DNAH17: variants seen among roughly 807,000 people sequenced by gnomAD.
The protein encoded by DNAH17 is axonemal beta dynein heavy chain 17.
In DNAH17, 376 loss-of-function variants were observed where a neutral mutation model predicts 485.6. The observed-to-expected ratio is 0.77, with a 90% CI of 0.71 to 0.84. The LOEUF is 0.84. DNAH17 is among the 40% of genes least tolerant of loss of function. The pLI is 0.00. For missense variants in DNAH17, 6,370 were observed against 5,839.3 expected (o/e 1.09, Z -2.96); for synonymous variants, 3,031 against 2,405.9 (o/e 1.26, Z -7.60).
rs967512462 is a variant in DNAH17, at chr17:78,526,940, G to T, written c.3564C>A (p.Thr1188=). Residue 1188 remains threonine (T), a synonymous_variant, in exon 23 of 81, where the codon ACC becomes ACA. Coordinates refer to ENST00000389840, the MANE Select transcript of DNAH17 (RefSeq NM_173628.4). ...CCTCGTTGGCCTGGAGTGGTGCCAC[G>T]GTCAGCTTCACCTGAATGGCCAGTT... ...TKKLAIQVKL[T]VAPLQANEVS... is the part of the protein sequence containing the mutation. 3 of 1,588,604 alleles carry T rather than the reference G, an allele frequency of 1.9e-6. No individual in the cohort carries two copies. Among genetic ancestry groups the T allele is most frequent in the Admixed American group, 1.8e-5 (1 of 55,972 alleles).
chr17:78,529,434 T>C (rs1220760409), intron 22 of DNAH17, 38 bp downstream of exon 22: 5 of 1,605,412 alleles, frequency 3.1e-6, no homozygotes, highest in East Asian at 2.2e-5. Flanking sequence ...TGGCTCTCCC[T>C]GCTCACCTGG....
intron 52 of DNAH17, 170 bp from the exon 53 acceptor site, chr17:78,476,003 G>A: frequency 1.5e-6 from 1 of 682,760 alleles, no homozygotes; most frequent in Non-Finnish European, 2.4e-6. Flanking sequence ...AAACCACTGG[G>A]GCAAAATTTC....
Position 78,462,870 on chromosome 17 carries a change from T to C in DNAH17, c.9148A>G (p.Met3050Val). 1 of 1,613,986 alleles carries C rather than the reference T, an allele frequency of 6.2e-7. No homozygotes were observed. The highest frequency in any genetic ancestry group is 8.5e-7 in the Non-Finnish European group (1 of 1,179,874). ...TGGGAAGCCGTGCTCTGCAGCTTCA[T>C]CAGGCCGTTCTCCAGCCTCTCGATT... ...AKIERLENGL[M>V]KLQSTASQVD... Residue 3050 changes from methionine to valine, a missense_variant, in exon 57 of 81, where the codon ATG becomes GTG. Physicochemically the swap from Met to Val is conservative, Grantham distance 21. Coordinates refer to ENST00000389840, the MANE Select transcript of DNAH17 (RefSeq NM_173628.4).
At chr17:78,448,612 A>G (rs1455617191) in intron 69 of DNAH17, among the ~76,000 whole-genome samples, 1 of 152,214 alleles carries the variant, frequency 6.6e-6, no homozygotes, top group Non-Finnish European at 1.5e-5. Context: ...GAGGGGCTGT[A>G]CTATGGTTTG....
intron 75 of DNAH17, among the ~76,000 whole-genome samples, chr17:78,432,689 C>T (rs963766179): frequency 1.3e-5 from 2 of 152,218 alleles, no homozygotes; most frequent in African/African-American, 4.8e-5. Context: ...AGCACGTGTG[C>T]CGTGCATGCC....
At chr17:78,448,743 A>G (rs937327665) in intron 69 of DNAH17, among the ~76,000 whole-genome samples, 2 of 152,174 alleles carry the variant, frequency 1.3e-5, no homozygotes, top group African/African-American at 4.8e-5. Flanking sequence ...GTCATGATCA[A>G]GGGAGTGGGT....
chr17:78,549,308 C>G (rs149523069), intron 16 of DNAH17, among the ~76,000 whole-genome samples: 1 of 152,128 alleles, frequency 6.6e-6, no homozygotes, highest in African/African-American at 2.4e-5. Context: ...TGAGGCACAT[C>G]GAGAAGGCAG....
rs79448704 is a variant in DNAH17 at position 78,545,443 on chromosome 17, T to C, written c.2392-1446A>G. ...GAGATCAAGGTGCCGGCATGTTTGG[T>C]TCCAGGTGAGGGCTCTCTTCCTGGT... is the stretch of plus-strand genomic sequence containing the variant. On this transcript the variant is annotated intron_variant, in intron 16 of 80. Coordinates refer to ENST00000389840, the MANE Select transcript of DNAH17 (RefSeq NM_173628.4). Among the ~76,000 whole-genome samples the C allele has an allele frequency of 7.0e-3, 1,063 of 152,300 alleles. 32 individuals are homozygous for C. The East Asian group carries it at 0.073, about 10-fold the overall frequency.
chr17:78,512,519 T>C (rs1395774170), intron 26 of DNAH17, among the ~76,000 whole-genome samples: 1 of 152,176 alleles, frequency 6.6e-6, no homozygotes, highest in Admixed American at 6.5e-5. Flanking sequence ...TTAAGGTTTA[T>C]TTTGAGCTGA....
chr17:78,501,951 G>A (rs2090310849), intron 33 of DNAH17, 78 bp from the exon 34 acceptor site: 1 of 1,581,826 alleles, frequency 6.3e-7, no homozygotes, highest in Non-Finnish European at 8.6e-7. Flanking sequence ...GGTGCCCACA[G>A]CTGCATAGGG....
chr17:78,433,939 AGGAG>A (rs142888553), intron 75 of DNAH17, 86 bp downstream of exon 75: 4 of 913,654 alleles, frequency 4.4e-6, no homozygotes, highest in Non-Finnish European at 3.1e-6. Flanking sequence ...GAGGGAGGGA[AGGAG>A]GGAGGGAAGG....
At chr17:78,425,321 GCAGA>G (rs749583876) in intron 80 of DNAH17, 21 bp downstream of exon 80, 5 of 1,604,576 alleles carry the variant, frequency 3.1e-6, no homozygotes. Flanking sequence ...GGAAGCTTCT[GCAGA>G]CAGACAAGAG....
Position 78,492,112 on chromosome 17 carries a change from G to GCCCTCC in DNAH17, c.6541+515_6541+520dup, listed in dbSNP as rs767778705. On this transcript the variant is annotated intron_variant, in intron 42 of 80. Coordinates refer to ENST00000389840, the MANE Select transcript of DNAH17 (RefSeq NM_173628.4). The stretch of plus-strand genomic sequence containing the variant: ...GGGTGCGGGGGACAGGCTAGGCACA[G>GCCCTCC]CCCTCCCCTAGGCTCCTGGTCAGGA... Among the ~76,000 whole-genome samples, 298 of 152,222 alleles carry GCCCTCC rather than the reference G, an allele frequency of 2.0e-3. 6 individuals are homozygous for GCCCTCC. Among genetic ancestry groups the GCCCTCC allele is most frequent in the Admixed American group, 6.0e-3 (91 of 15,286 alleles).
At chr17:78,537,871 G>A (rs1292225157) in intron 18 of DNAH17, among the ~76,000 whole-genome samples, 1 of 152,200 alleles carries the variant, frequency 6.6e-6, no homozygotes, top group South Asian at 2.1e-4. Context: ...AGGCGCAGTG[G>A]CTCATGCCTG....
intron 42 of DNAH17, among the ~76,000 whole-genome samples, chr17:78,491,973 G>T (rs1043068325): frequency 6.6e-6 from 1 of 152,224 alleles, no homozygotes; most frequent in Admixed American, 6.5e-5. Context: ...GGAGCAAGGT[G>T]GGGGCTGGGG....
intron 17 of DNAH17, among the ~76,000 whole-genome samples, chr17:78,540,739 G>A (rs1598677149): frequency 2.7e-4 from 1 of 3,686 alleles, no homozygotes; most frequent in Non-Finnish European, 6.5e-4. Context: ...GAGTAGATGG[G>A]TGAGTGGGTG....
intron 2 of DNAH17, 37 bp from the exon 3 acceptor site, chr17:78,572,931 C>G (rs762326383): frequency 4.4e-6 from 7 of 1,585,876 alleles, no homozygotes; most frequent in Non-Finnish European, 8.6e-7. Flanking sequence ...GCCCCCTGTG[C>G]CTTCACCAGC....
intron 19 of DNAH17, chr17:78,532,960 T>C: frequency 4.0e-6 from 2 of 503,644 alleles, no homozygotes; most frequent in Non-Finnish European, 7.1e-6. Context: ...ACTTAGTGGA[T>C]AGCACACTAC....
chr17:78,557,436 G>A (rs2092048940), intron 14 of DNAH17, among the ~76,000 whole-genome samples: 2 of 151,862 alleles, frequency 1.3e-5, no homozygotes, highest in Admixed American at 6.6e-5. Context: ...TGGCCAATGT[G>A]GTGAAACTGT....
Sources: allele counts gnomAD v4.1 joint callset (sites outside exome capture counted in the v4.1 genomes callset), GRCh38; gene constraint gnomAD v4.1.1; transcripts MANE v1.5; gene names NCBI Gene and HGNC (gene_info 2026-07-23, HGNC 2026-07-21).